Variants in SORCS1 observed in about 807,000 individuals in gnomAD.
The protein encoded by SORCS1 is VPS10 domain-containing receptor SorCS1.
Under a neutral mutation model 146.1 loss-of-function variants are expected in SORCS1, and 60 were observed. That is an observed-to-expected ratio of 0.41 (90% CI 0.33 to 0.51). The LOEUF (loss-of-function observed/expected upper bound fraction) is 0.51, where lower values mean the gene tolerates loss of function less well. Ranked by LOEUF, SORCS1 falls within the 20% of genes least tolerant of loss-of-function variation. The probability of loss-of-function intolerance (pLI) is 0.21; values close to 1 mark genes in which losing one functional copy is unlikely to be tolerated. For missense variants in SORCS1, 1,352 were observed against 1,487.6 expected (o/e 0.91, Z 1.50); for synonymous variants, 637 against 584.0 (o/e 1.09, Z -1.31).
At chr10:106,720,729 G>A (rs1855723942) in intron 6 of SORCS1, among the ~76,000 whole-genome samples, 1 of 152,074 alleles carries the variant, frequency 6.6e-6, no homozygotes, top group Non-Finnish European at 1.5e-5. Context: ...TAAGGCCTGT[G>A]AGTGAAAAGT....
Position 106,577,227 on chromosome 10 carries a change from AT to A in SORCS1, c.*192del, listed in dbSNP as rs1277892765. On this transcript the variant is annotated 3_prime_UTR_variant, in exon 26 of 26. Transcript: ENST00000263054. The stretch of plus-strand genomic sequence containing the variant: ...TTTTACTGGCGTCCTCCATTCAAAC[AT>A]TTACATAGGTAGGGATTTCTTTTGT... 1.3e-6 allele frequency: 2 copies of A among 1,586,482 alleles called. No individual in the cohort carries two copies. The highest frequency in any genetic ancestry group is 1.7e-6 in the Non-Finnish European group (2 of 1,163,562).
intron 2 of SORCS1, among the ~76,000 whole-genome samples, chr10:106,896,605 T>A (rs1348229985): frequency 6.6e-6 from 1 of 151,908 alleles, no homozygotes; most frequent in East Asian, 1.9e-4. Context: ...ATTGTACAGT[T>A]AGAAATGGAT....
intron 2 of SORCS1, among the ~76,000 whole-genome samples, chr10:106,932,292 G>C (rs142674537): frequency 2.0e-5 from 3 of 152,042 alleles, no homozygotes; most frequent in Non-Finnish European, 4.4e-5. Context: ...AAAGTAGAAA[G>C]CATTGTCTTG....
chr10:107,095,086 G>A (rs1291292766), intron 1 of SORCS1, among the ~76,000 whole-genome samples: 1 of 152,140 alleles, frequency 6.6e-6, no homozygotes, highest in African/African-American at 2.4e-5. Context: ...AGCACTGGCT[G>A]GTCATTAAGT....
At chr10:106,821,123 T>C (rs1471093912) in intron 3 of SORCS1, among the ~76,000 whole-genome samples, 1 of 152,224 alleles carries the variant, frequency 6.6e-6, no homozygotes, top group East Asian at 1.9e-4. Context: ...AGGTTTCCTT[T>C]TGTATTTGAG....
intron 1 of SORCS1, among the ~76,000 whole-genome samples, chr10:107,079,087 A>T (rs1242967296): frequency 6.6e-6 from 1 of 152,134 alleles, no homozygotes; most frequent in Non-Finnish European, 1.5e-5. Flanking sequence ...TTAGCCGGGC[A>T]CAGTGGTGGG....
At chr10:106,914,935 G>A (rs1194387887) in intron 2 of SORCS1, among the ~76,000 whole-genome samples, 1 of 152,074 alleles carries the variant, frequency 6.6e-6, no homozygotes, top group Non-Finnish European at 1.5e-5. Flanking sequence ...CCAATCAGTG[G>A]TGCTGACAGC....
intron 2 of SORCS1, among the ~76,000 whole-genome samples, chr10:106,862,583 T>A (rs1039997899): frequency 6.6e-6 from 1 of 151,982 alleles, no homozygotes; most frequent in African/African-American, 2.4e-5. Flanking sequence ...ACACACACAG[T>A]TTACCTTCCT....
chr10:106,703,163 C>G (rs539640186), intron 8 of SORCS1, among the ~76,000 whole-genome samples: 6 of 151,194 alleles, frequency 4.0e-5, no homozygotes, highest in African/African-American at 1.5e-4. Context: ...TGTTGTGAAT[C>G]TAAGCTCCTT....
chr10:106,711,785 TAA>T (rs999737559), intron 6 of SORCS1, among the ~76,000 whole-genome samples: 35 of 152,276 alleles, frequency 2.3e-4, no homozygotes, highest in African/African-American at 8.2e-4. Flanking sequence ...TCTTTTTCCT[TAA>T]AGACAGTTTC....
intron 1 of SORCS1, among the ~76,000 whole-genome samples, chr10:106,986,327 G>A (rs1956468668): frequency 6.6e-6 from 1 of 151,748 alleles, no homozygotes; most frequent in South Asian, 2.1e-4. Context: ...CCCAAATTTG[G>A]TTTAAAAAAC....
At chr10:106,844,008 C>T (rs1035044217) in intron 2 of SORCS1, among the ~76,000 whole-genome samples, 1 of 152,180 alleles carries the variant, frequency 6.6e-6, no homozygotes, top group African/African-American at 2.4e-5. Flanking sequence ...TTTACACTCC[C>T]ACCACAAGTG....
At chr10:106,825,690 C>T (rs1948271697) in intron 3 of SORCS1, among the ~76,000 whole-genome samples, 1 of 151,946 alleles carries the variant, frequency 6.6e-6, no homozygotes, top group African/African-American at 2.4e-5. Flanking sequence ...TTTATGTGAC[C>T]AATAAACCTC....
intron 2 of SORCS1, among the ~76,000 whole-genome samples, chr10:106,830,616 C>G (rs1429413282): frequency 2.8e-5 from 4 of 140,922 alleles, no homozygotes; most frequent in African/African-American, 8.1e-5. Flanking sequence ...GAATATAGGG[C>G]TGGGCACAGT....
chr10:106,611,807 T>C, intron 22 of SORCS1, 104 bp downstream of exon 22: 1 of 775,792 alleles, frequency 1.3e-6, no homozygotes, highest in Non-Finnish European at 2.0e-6. Flanking sequence ...TTCTTCCTGC[T>C]GGGTTAGTTT....
chr10:106,997,290 G>T (rs1000014009), intron 1 of SORCS1, among the ~76,000 whole-genome samples: 3 of 152,142 alleles, frequency 2.0e-5, no homozygotes, highest in African/African-American at 7.2e-5. Context: ...CTGTGTGCCT[G>T]CCCTCACCTC....
chr10:106,614,087 T>A (rs918608568), intron 21 of SORCS1, among the ~76,000 whole-genome samples: 5 of 152,226 alleles, frequency 3.3e-5, no homozygotes, highest in Admixed American at 6.5e-5. Context: ...AACTGGAATA[T>A]AACCTCAATC....
chr10:107,092,975 C>T (rs1964306239), intron 1 of SORCS1, among the ~76,000 whole-genome samples: 1 of 150,846 alleles, frequency 6.6e-6, no homozygotes, highest in Non-Finnish European at 1.5e-5. Flanking sequence ...ATAATAATGC[C>T]AGGTAATGAT....
At chr10:106,795,692 A>G (rs1225445346) in intron 3 of SORCS1, among the ~76,000 whole-genome samples, 2 of 152,306 alleles carry the variant, frequency 1.3e-5, no homozygotes, top group East Asian at 3.9e-4. Context: ...GGTATTTGCT[A>G]CATATTCTGA....
Sources: gnomAD v4.1 joint callset for allele counts (sites outside exome capture counted in the v4.1 genomes callset) on GRCh38, gnomAD v4.1.1 for gene constraint, MANE v1.5 for transcripts, NCBI Gene and HGNC (gene_info 2026-07-23, HGNC 2026-07-21) for gene names.